The following FAM133A variants were observed in gnomAD, a reference collection of about 807,000 sequenced individuals.
FAM133A encodes the protein protein FAM133A.
For synonymous variants in FAM133A, 65 were observed against 58.6 expected (o/e 1.11, Z -0.50); for missense variants, 159 against 164.4 (o/e 0.97, Z 0.18).
intron 2 of FAM133A, among the ~76,000 whole-genome samples, chrX:93,697,778 G>A (rs1313082982): frequency 9.0e-6 from 1 of 111,520 alleles, no homozygotes; most frequent in Non-Finnish European, 1.9e-5. Flanking sequence ...TTGAGTTCCT[G>A]TTTTTTAGGA....
rs41304486 is a variant in FAM133A, at chrX:93,710,282, C to T, written c.*116C>T. 5.6e-4 allele frequency: 452 copies of T among 814,010 alleles called. No homozygotes were observed. Among genetic ancestry groups the T allele is most frequent in the Non-Finnish European group, 7.2e-4 (433 of 598,122 alleles). 67.1% of individuals were successfully genotyped at this position (814,010 alleles called of 1,213,427 possible). On this transcript the variant is annotated 3_prime_UTR_variant, in exon 4 of 4. Transcript: ENST00000683942. Reference sequence around the variant, plus strand: ...GTGCCAGTAAGGGGCATAGTGGCTGCTGGCAACTTCAATATACATTTTTGT... The same window carrying T: ...GTGCCAGTAAGGGGCATAGTGGCTGTTGGCAACTTCAATATACATTTTTGT...
At chrX:93,689,773 A>G (rs1352149185) in intron 2 of FAM133A, among the ~76,000 whole-genome samples, 1 of 111,775 alleles carries the variant, frequency 8.9e-6, no homozygotes, top group Non-Finnish European at 1.9e-5. Flanking sequence ...ATGCATAAGG[A>G]TATCAAACGA....
At chrX:93,701,903 A>G (rs983819258) in intron 3 of FAM133A, among the ~76,000 whole-genome samples, 1 of 110,981 alleles carries the variant, frequency 9.0e-6, no homozygotes, top group Non-Finnish European at 1.9e-5. Context: ...ATTAGACTAT[A>G]CTCTTAGACT....
chrX:93,705,610 T>G (rs553522405), intron 3 of FAM133A, among the ~76,000 whole-genome samples: 21 of 111,350 alleles, frequency 1.9e-4, no homozygotes, highest in African/African-American at 6.2e-4. Context: ...TGAATGAAAA[T>G]GAAGGCTATT....
chrX:93,704,266 G>T (rs1045003857), intron 3 of FAM133A, among the ~76,000 whole-genome samples: 1 of 111,446 alleles, frequency 9.0e-6, no homozygotes, highest in Non-Finnish European at 1.9e-5. Context: ...ACATATTGTG[G>T]TAATTAAAGA....
At chrX:93,687,258 A>G (rs1051887530) in intron 2 of FAM133A, among the ~76,000 whole-genome samples, 2 of 111,583 alleles carry the variant, frequency 1.8e-5, no homozygotes, top group African/African-American at 3.3e-5. Context: ...GAAATATCGT[A>G]TGTTCTCACT....
chrX:93,682,120 C>G (rs762153859), intron 2 of FAM133A, among the ~76,000 whole-genome samples: 51 of 111,764 alleles, frequency 4.6e-4, no homozygotes, highest in African/African-American at 1.5e-3. Flanking sequence ...AAGCTGTGTC[C>G]TTTACCCTCC....
At chrX:93,689,372 A>AT (rs1463085964) in intron 2 of FAM133A, among the ~76,000 whole-genome samples, 2 of 111,675 alleles carry the variant, frequency 1.8e-5, no homozygotes, top group African/African-American at 6.5e-5. Flanking sequence ...AATTTTAAAA[A>AT]TTTTTGGTAA....
intron 2 of FAM133A, among the ~76,000 whole-genome samples, chrX:93,676,988 T>G (rs1243314078): frequency 9.2e-6 from 1 of 108,838 alleles, no homozygotes; most frequent in Non-Finnish European, 1.9e-5. Flanking sequence ...TAAAAGAAAA[T>G]AAGCTTTTTC....
intron 3 of FAM133A, among the ~76,000 whole-genome samples, chrX:93,704,200 G>A (rs1312475767): frequency 9.0e-6 from 1 of 111,591 alleles, no homozygotes; most frequent in Non-Finnish European, 1.9e-5. Flanking sequence ...TTTGTCCTGT[G>A]ACTTAGATTG....
At chrX:93,675,746 T>G (rs1924641144) in intron 2 of FAM133A, among the ~76,000 whole-genome samples, 1 of 111,533 alleles carries the variant, frequency 9.0e-6, no homozygotes, top group Non-Finnish European at 1.9e-5. Flanking sequence ...ACTAATATAT[T>G]TTTGTGCTTG....
intron 2 of FAM133A, among the ~76,000 whole-genome samples, chrX:93,690,427 CTA>C (rs1925809572): frequency 9.0e-6 from 1 of 111,394 alleles, no homozygotes; most frequent in African/African-American, 3.3e-5. Context: ...TGTTTTCTGT[CTA>C]TATAAATTTG....
intron 2 of FAM133A, among the ~76,000 whole-genome samples, chrX:93,696,904 A>C (rs1926325346): frequency 1.0e-5 from 1 of 96,494 alleles, no homozygotes; most frequent in African/African-American, 3.6e-5. Flanking sequence ...TGGGCGATAG[A>C]GTGAGACTCC....
chrX:93,678,229 C>A (rs1924858882), intron 2 of FAM133A, among the ~76,000 whole-genome samples: 1 of 111,443 alleles, frequency 9.0e-6, no homozygotes, highest in Non-Finnish European at 1.9e-5. Context: ...GTTGTTTTAT[C>A]ATTAAGTTTT....
chrX:93,697,179 A>G (rs1926352970), intron 2 of FAM133A, among the ~76,000 whole-genome samples: 1 of 74,731 alleles, frequency 1.3e-5, no homozygotes. Context: ...ATATATATAT[A>G]TATATATATA....
Position 93,709,328 on chromosome X carries a change from C to T in FAM133A, c.-92C>T, listed in dbSNP as rs1020091640. Reference sequence around the variant, plus strand: ...TGCTTCTCTTACAGAATGGAGCTTGCTTGATATTTCACTAGATAAAGAATT... The same window carrying T: ...TGCTTCTCTTACAGAATGGAGCTTGTTTGATATTTCACTAGATAAAGAATT... On this transcript the variant is annotated 5_prime_UTR_variant, in exon 4 of 4. Transcript: ENST00000683942. The T allele has an allele frequency of 1.9e-6, 2 of 1,030,772 alleles. No homozygotes were observed. The highest frequency in any genetic ancestry group is 3.9e-5 in the African/African-American group (2 of 50,763). The allele number at this position is 1,030,772 out of a possible 1,213,427, so 84.9% of individuals were successfully genotyped here.
chrX:93,706,443 A>G (rs777563813), intron 3 of FAM133A, among the ~76,000 whole-genome samples: 2 of 111,528 alleles, frequency 1.8e-5, no homozygotes, highest in Non-Finnish European at 3.8e-5. Context: ...TCCCTGCAAA[A>G]TAATTTAGTT....
chrX:93,685,127 A>T (rs1925426171), intron 2 of FAM133A, among the ~76,000 whole-genome samples: 1 of 111,765 alleles, frequency 8.9e-6, no homozygotes, highest in Admixed American at 9.5e-5. Context: ...GTTCTGTGAA[A>T]TTACTTTTAA....
rs1926600593 is a variant in FAM133A at position 93,700,209 on chromosome X, T to C, written c.-104+1724T>C. Among the ~76,000 whole-genome samples the C allele has an allele frequency of 3.6e-5, 4 of 111,061 alleles. No homozygotes were observed. The Admixed American group carries it at 3.8e-4, about 11-fold the overall frequency. On this transcript the variant is annotated intron_variant, in intron 3 of 3. Coordinates refer to ENST00000683942, the MANE Select transcript of FAM133A (RefSeq NM_001171109.2). ...CTGTTTTTTCATTATGTCATTTAAC[T>C]TTTTCCTCTATCCATCCCCCAACCG...
Sources: allele counts gnomAD v4.1 joint callset (sites outside exome capture counted in the v4.1 genomes callset), GRCh38; gene constraint gnomAD v4.1.1; transcripts MANE v1.5; gene names NCBI Gene and HGNC (gene_info 2026-07-23, HGNC 2026-07-21).